The following ASS1 variants were observed in gnomAD, a reference collection of about 807,000 sequenced individuals.
ASS1 encodes the protein argininosuccinate synthase 1, also known as argininosuccinate synthase.
In ASS1, 58 loss-of-function variants were observed where a neutral mutation model predicts 60.5. The ratio of observed to expected loss-of-function variants is 0.96; its 90% CI spans 0.78 to 1.19. ASS1 has a LOEUF of 1.19. Ranked by LOEUF, ASS1 falls within the 50% of genes most tolerant of loss-of-function variation. ASS1 has a pLI of 0.00. For missense variants in ASS1, 454 were observed against 547.3 expected, an observed-to-expected ratio of 0.83 and a Z score of 1.70; for synonymous variants, 200 against 206.9, an observed-to-expected ratio of 0.97 and a Z score of 0.29.
intron 4 of ASS1, among the ~76,000 whole-genome samples, chr9:130,461,300 C>G (rs1386873597): frequency 6.6e-6 from 1 of 152,210 alleles, no homozygotes; most frequent in Non-Finnish European, 1.5e-5. Flanking sequence ...ATTTAGCCTG[C>G]AACAGCCTCC....
In ASS1 at chr9:130,494,705, A is replaced by G. The variant is rs1208736441; in HGVS notation, c.971-162A>G. Among the ~76,000 whole-genome samples the G allele has an allele frequency of 1.3e-5, 2 of 152,208 alleles. No individual in the cohort carries two copies. Among genetic ancestry groups the G allele is most frequent in the African/African-American group, 4.8e-5 (2 of 41,462 alleles). ...GCAGGGCTATGAAAGCATGGTCCTC[A>G]ACTCAGCCACTGGCAAGCGCACATT... On this transcript the variant is annotated intron_variant, in intron 12 of 14. Transcript: ENST00000352480. The surrounding 1 kb of genome is among the most constrained non-coding windows in gnomAD (Gnocchi z 4.3).
chr9:130,484,839 G>T (rs977963020), intron 11 of ASS1, among the ~76,000 whole-genome samples: 1 of 151,930 alleles, frequency 6.6e-6, no homozygotes, highest in East Asian at 1.9e-4. Flanking sequence ...ACGTGCGCGC[G>T]CGCGCGTCGG....
At chr9:130,445,363 C>T (rs1845171792) in intron 1 of ASS1, among the ~76,000 whole-genome samples, 1 of 152,156 alleles carries the variant, frequency 6.6e-6, no homozygotes, top group African/African-American at 2.4e-5. Flanking sequence ...ACATGGAGAC[C>T]TGGGGAGTCC....
intron 5 of ASS1, among the ~76,000 whole-genome samples, chr9:130,464,634 C>T (rs1332226275): frequency 6.6e-6 from 1 of 152,156 alleles, no homozygotes; most frequent in Non-Finnish European, 1.5e-5. Flanking sequence ...TGTGCCTGGT[C>T]CCCAGCATCT....
chr9:130,454,706 C>T (rs927760991), intron 3 of ASS1, among the ~76,000 whole-genome samples: 1 of 152,072 alleles, frequency 6.6e-6, no homozygotes, highest in African/African-American at 2.4e-5. Context: ...ATCATTCATC[C>T]CTCCATTAGC....
intron 4 of ASS1, among the ~76,000 whole-genome samples, chr9:130,460,286 C>G (rs923621346): frequency 1.3e-5 from 2 of 152,222 alleles, no homozygotes; most frequent in Non-Finnish European, 2.9e-5. Flanking sequence ...TGGCACCTGT[C>G]ATGTCTTTGA....
rs374641566 is a variant in ASS1, at chr9:130,485,780, G to A, written c.839-3553G>A. ...GGACCAGCAGGACTTTGTCAGTGTC[G>A]TGCTCTTGGGAAATTGCTTTATTTC... On this transcript the variant is annotated intron_variant, in intron 11 of 14. Coordinates refer to ENST00000352480, the MANE Select transcript of ASS1 (RefSeq NM_054012.4). Among the ~76,000 whole-genome samples the A allele has an allele frequency of 2.8e-3, 427 of 152,292 alleles. 13 individuals are homozygous for A. The South Asian group carries it at 0.046, about 17-fold the overall frequency.
chr9:130,458,727 A>AC (rs1489688924), intron 4 of ASS1, 138 bp downstream of exon 4: 1 of 1,243,256 alleles, frequency 8.0e-7, no homozygotes, highest in East Asian at 2.5e-5. Flanking sequence ...CTTTGTTTAG[A>AC]CCCCAATGAG....
chr9:130,460,908 G>A (rs1156487653), intron 4 of ASS1, among the ~76,000 whole-genome samples: 1 of 152,136 alleles, frequency 6.6e-6, no homozygotes, highest in Admixed American at 6.5e-5. Context: ...GTTTGGGCGG[G>A]CCTGAGCTGT....
rs186893800 is a variant in ASS1, at chr9:130,454,411, G to A, written c.174+38G>A. Reference sequence around the variant, plus strand: ...AGGCAGGGATTTGGGCTGGGAGTGGGGCGGTGATGTGGAGGGCAGTGGTGG... The same window carrying A: ...AGGCAGGGATTTGGGCTGGGAGTGGAGCGGTGATGTGGAGGGCAGTGGTGG... On this transcript the variant is annotated intron_variant, in intron 3 of 14. Transcript: ENST00000352480. 65 of 1,599,748 alleles carry A rather than the reference G, an allele frequency of 4.1e-5. No individual in the cohort carries two copies. In the Admixed American group the frequency reaches 4.8e-4, roughly 12 times the overall value.
chr9:130,454,261 C>T, intron 2 of ASS1, 44 bp from the exon 3 acceptor site: 3 of 1,591,244 alleles, frequency 1.9e-6, no homozygotes, highest in Non-Finnish European at 2.6e-6. Context: ...GAACTCAGGG[C>T]TCCCCCCAGG....
At position 130,491,033 on chromosome 9, in the gene ASS1, T is replaced by C. The variant is rs1263382694; in HGVS notation, c.970+1569T>C. ...GGCTAAGCTCTCCTCCCCTCGCCTCTCCCCCTCCACTCCCAGATTTTGTTT... is the reference window on the plus strand; with the variant it reads ...GGCTAAGCTCTCCTCCCCTCGCCTCCCCCCCTCCACTCCCAGATTTTGTTT... On this transcript the variant is annotated intron_variant, in intron 12 of 14. Coordinates refer to ENST00000352480, the MANE Select transcript of ASS1 (RefSeq NM_054012.4). This position sits in a 1 kb window ranked among gnomAD's most constrained non-coding sequence, Gnocchi z 5.3. Among the ~76,000 whole-genome samples the C allele has an allele frequency of 6.6e-6, 1 of 152,124 alleles. No homozygotes were observed. The highest frequency in any genetic ancestry group is 1.5e-5 in the Non-Finnish European group (1 of 68,026).
chr9:130,499,612 G>A, intron 14 of ASS1, 42 bp downstream of exon 14: 1 of 1,582,026 alleles, frequency 6.3e-7, no homozygotes, highest in South Asian at 1.1e-5. Flanking sequence ...GAGCCTCCAG[G>A]TGTAAAGGGT....
intron 1 of ASS1, among the ~76,000 whole-genome samples, chr9:130,451,058 T>A (rs1225415291): frequency 6.6e-6 from 1 of 152,154 alleles, no homozygotes; most frequent in Non-Finnish European, 1.5e-5. Flanking sequence ...TCCCTAACCC[T>A]GGTTTCCTGT....
At chr9:130,486,952 C>G (rs1846317256) in intron 11 of ASS1, among the ~76,000 whole-genome samples, 1 of 152,242 alleles carries the variant, frequency 6.6e-6, no homozygotes, top group East Asian at 1.9e-4. Flanking sequence ...GCCAAAGGCC[C>G]TTCGAGGCCA....
chr9:130,478,487 T>G lies in ASS1; in HGVS notation c.689-1229T>G, dbSNP rs1846077971. On this transcript the variant is annotated intron_variant, in intron 9 of 14. Coordinates refer to ENST00000352480, the MANE Select transcript of ASS1 (RefSeq NM_054012.4). The surrounding 1 kb of genome is among the most constrained non-coding windows in gnomAD (Gnocchi z 4.7). ...AGAAACGTGACCTATTGTCATGATTTGGGGACTGTCTGGAAGAAGAAAAAA... is the reference window on the plus strand; with the variant it reads ...AGAAACGTGACCTATTGTCATGATTGGGGGACTGTCTGGAAGAAGAAAAAA... Among the ~76,000 whole-genome samples the G allele has an allele frequency of 6.6e-6, 1 of 152,202 alleles. No homozygotes were observed.
Position 130,470,912 on chromosome 9 carries a change from C to A in ASS1, c.566+8C>A, listed in dbSNP as rs773713440. The A allele has an allele frequency of 6.2e-7, 1 of 1,613,718 alleles. No individual in the cohort carries two copies. The highest frequency in any genetic ancestry group is 8.5e-7 in the Non-Finnish European group (1 of 1,179,710). ...GAACCTCATGCACATCAGGTAAATC[C>A]CACCCTCCACCCATCCTTGGTCCTC... On this transcript the variant is annotated splice_region_variant and intron_variant, in intron 7 of 14. Coordinates refer to ENST00000352480, the MANE Select transcript of ASS1 (RefSeq NM_054012.4). This position sits in a 1 kb window ranked among gnomAD's most constrained non-coding sequence, Gnocchi z 4.3.
intron 4 of ASS1, among the ~76,000 whole-genome samples, chr9:130,461,021 CA>C (rs34271203): frequency 2.0e-5 from 3 of 147,426 alleles, no homozygotes; most frequent in Admixed American, 6.7e-5. Context: ...CTGTCCCAAA[CA>C]AAAAAAAAAG....
intron 1 of ASS1, 41 bp downstream of exon 1, chr9:130,445,036 C>A: frequency 1.8e-6 from 1 of 551,514 alleles, no homozygotes; most frequent in Non-Finnish European, 2.3e-6. Flanking sequence ...ACTCCCTAGC[C>A]GAGAGCACCC....
Sources: gnomAD v4.1 joint callset for allele counts (sites outside exome capture counted in the v4.1 genomes callset) on GRCh38, gnomAD v4.1.1 for gene constraint, Gnocchi (gnomAD v3.1) non-coding constraint, MANE v1.5 for transcripts, NCBI Gene and HGNC (gene_info 2026-07-23, HGNC 2026-07-21) for gene names.